The following DENND4A variants were observed in gnomAD, a reference collection of about 807,000 sequenced individuals.
The protein encoded by DENND4A is DENN domain containing 4A.
In DENND4A, 70 loss-of-function variants were observed where a neutral mutation model predicts 199.3. The observed-to-expected ratio is 0.35, with a 90% confidence interval of 0.29 to 0.43. The LOEUF (loss-of-function observed/expected upper bound fraction) is 0.43, where lower values mean the gene tolerates loss of function less well. DENND4A is among the 20% of genes least tolerant of loss of function. The probability of loss-of-function intolerance (pLI) is 1.00; values close to 1 mark genes in which losing one functional copy is unlikely to be tolerated. For synonymous variants in DENND4A, 686 were observed against 766.9 expected, an observed-to-expected ratio of 0.89 and a Z score of 1.74; for missense variants, 1,723 against 2,255.8, an observed-to-expected ratio of 0.76 and a Z score of 4.78.
At chr15:65,784,611 T>C (rs1228891361) in intron 1 of DENND4A, among the ~76,000 whole-genome samples, 8 of 152,216 alleles carry the variant, frequency 5.3e-5, no homozygotes, top group African/African-American at 1.7e-4. Context: ...TTTAGTCCTT[T>C]AAGGCATGTA....
At chr15:65,694,230 C>T (rs1057366169) in intron 22 of DENND4A, among the ~76,000 whole-genome samples, 1 of 152,146 alleles carries the variant, frequency 6.6e-6, no homozygotes, top group African/African-American at 2.4e-5. Flanking sequence ...AGGTAGATTG[C>T]CTGAGGTTGG....
chr15:65,746,369 CTTTTTTTTTTTTT>C (rs573935476), intron 4 of DENND4A, among the ~76,000 whole-genome samples: 1,614 of 51,486 alleles, frequency 0.031, 65 homozygotes, highest in African/African-American at 0.11. Flanking sequence ...ACTTTTTTCT[CTTTTTTTTTTTTT>C]TTTTTTTTTT....
chr15:65,711,013 G>C lies in DENND4A; in HGVS notation c.1953+4465C>G, dbSNP rs186164492. 5.9e-5 allele frequency among the ~76,000 whole-genome samples: 9 copies of C among 152,312 alleles called. No homozygotes were observed. In the East Asian group the frequency reaches 1.3e-3, roughly 23 times the overall value. Reference sequence around the variant, plus strand: ...GCTTTCTATAAAGCCAGTAGAACTAGGGGCAAATTAAACCTCTTTTTTTTA... The same window carrying C: ...GCTTTCTATAAAGCCAGTAGAACTACGGGCAAATTAAACCTCTTTTTTTTA... On this transcript the variant is annotated intron_variant, in intron 14 of 32. Transcript: ENST00000443035.
chr15:65,772,105 C>T lies in DENND4A; in HGVS notation c.-101-10667G>A, dbSNP rs8026601. ...GCATTCAGAGCCTCCTGGACGATGTCGACACATTTCTCAGCTTCATCCCTG... is the reference window on the plus strand; with the variant it reads ...GCATTCAGAGCCTCCTGGACGATGTTGACACATTTCTCAGCTTCATCCCTG... On this transcript the variant is annotated intron_variant, in intron 1 of 32. Coordinates refer to ENST00000443035, the MANE Select transcript of DENND4A (RefSeq NM_001320835.1). The T allele has an allele frequency of 3.2e-3, 2,920 of 910,596 alleles. 65 individuals carry two copies. In the African/African-American group the frequency reaches 0.042, roughly 13 times the overall value. The allele number at this position is 910,596 out of a possible 1,614,324, so 56.4% of individuals were successfully genotyped here.
chr15:65,757,265 G>A (rs866204948), intron 2 of DENND4A, among the ~76,000 whole-genome samples: 4 of 134,402 alleles, frequency 3.0e-5, no homozygotes, highest in East Asian at 2.2e-4. Flanking sequence ...TCTGAGATGG[G>A]GGGGGGGGGG....
chr15:65,744,019 G>A (rs2076323292), intron 4 of DENND4A, among the ~76,000 whole-genome samples: 1 of 152,152 alleles, frequency 6.6e-6, no homozygotes, highest in African/African-American at 2.4e-5. Context: ...ATGTTGAGAA[G>A]TGGGGGTGGG....
chr15:65,732,866 G>T (rs1439605551), intron 7 of DENND4A, 48 bp from the exon 8 acceptor site: 1 of 1,141,574 alleles, frequency 8.8e-7, no homozygotes, highest in Non-Finnish European at 1.3e-6. Context: ...AACGTCATAT[G>T]CTATAAAGCT....
At chr15:65,746,795 A>T (rs1406099630) in intron 4 of DENND4A, among the ~76,000 whole-genome samples, 1 of 151,548 alleles carries the variant, frequency 6.6e-6, no homozygotes, top group Non-Finnish European at 1.5e-5. Flanking sequence ...AGACTCAGCC[A>T]GGTGCAGTGG....
intron 11 of DENND4A, among the ~76,000 whole-genome samples, chr15:65,723,983 G>T (rs1225132238): frequency 6.6e-6 from 1 of 152,062 alleles, no homozygotes; most frequent in Non-Finnish European, 1.5e-5. Context: ...CATACATGGG[G>T]TAGGAGTAGA....
intron 24 of DENND4A, among the ~76,000 whole-genome samples, chr15:65,676,141 A>AAAAAATAT (rs1362535499): frequency 9.1e-6 from 1 of 110,452 alleles, no homozygotes; most frequent in African/African-American, 3.0e-5. Context: ...AATAAGGAAA[A>AAAAAATAT]ATATATATAT....
chr15:65,753,833 C>CTTTTT (rs748030669), intron 3 of DENND4A: 4 of 131,644 alleles, frequency 3.0e-5, no homozygotes, highest in Admixed American at 1.5e-4. Context: ...TTCTTTCTTT[C>CTTTTT]TTTTTTTTTT....
At chr15:65,761,701 A>G (rs1294256204) in intron 1 of DENND4A, among the ~76,000 whole-genome samples, 2 of 152,166 alleles carry the variant, frequency 1.3e-5, no homozygotes, top group East Asian at 3.8e-4. Context: ...GGGGGAAAAA[A>G]AGAAAGCAAG....
At chr15:65,731,859 A>G (rs897255890) in intron 8 of DENND4A, among the ~76,000 whole-genome samples, 159 bp from the exon 9 acceptor site, 3 of 152,080 alleles carry the variant, frequency 2.0e-5, no homozygotes, top group Non-Finnish European at 4.4e-5. Flanking sequence ...AAGATCTTGA[A>G]AAACATGTCC....
At chr15:65,746,369 CTTTTTTTTTTTTTTTTTT>C (rs573935476) in intron 4 of DENND4A, among the ~76,000 whole-genome samples, 30 of 51,300 alleles carry the variant, frequency 5.8e-4, no homozygotes, top group Non-Finnish European at 8.3e-4. Flanking sequence ...ACTTTTTTCT[CTTTTTTTTTTTTTTTTTT>C]TTTTTTTTTT....
chr15:65,718,992 C>T (rs1167306720), intron 12 of DENND4A, among the ~76,000 whole-genome samples: 1 of 151,326 alleles, frequency 6.6e-6, no homozygotes, highest in Non-Finnish European at 1.5e-5. Context: ...GTTGGCGAGG[C>T]TAGTCTCGAA....
intron 2 of DENND4A, among the ~76,000 whole-genome samples, 161 bp from the exon 3 acceptor site, chr15:65,756,633 T>C (rs747182571): frequency 1.3e-5 from 2 of 152,204 alleles, no homozygotes; most frequent in Non-Finnish European, 1.5e-5. Context: ...AATTTAACAA[T>C]AAAAACATCT....
chr15:65,783,679 C>T (rs2077493277), intron 1 of DENND4A, among the ~76,000 whole-genome samples: 1 of 151,852 alleles, frequency 6.6e-6, no homozygotes, highest in Admixed American at 6.6e-5. Flanking sequence ...TAAGGAAGTA[C>T]TCAAAAAACA....
chr15:65,753,825 C>G, intron 3 of DENND4A: 1 of 146,926 alleles, frequency 6.8e-6, no homozygotes, highest in South Asian at 2.1e-4. Flanking sequence ...CAAATTATTT[C>G]TTTCTTTCTT....
At chr15:65,700,959 C>G (rs2074848317) in intron 19 of DENND4A, 92 bp downstream of exon 19, 2 of 1,369,948 alleles carry the variant, frequency 1.5e-6, no homozygotes, top group Non-Finnish European at 9.9e-7. Context: ...CTAAAACATT[C>G]AATATTTTAA....
Sources: allele counts gnomAD v4.1 joint callset (sites outside exome capture counted in the v4.1 genomes callset), GRCh38; gene constraint gnomAD v4.1.1; transcripts MANE v1.5; gene names NCBI Gene and HGNC (gene_info 2026-07-23, HGNC 2026-07-21).